The following DCAF13 variants were observed in gnomAD, a reference collection of about 807,000 sequenced individuals.
DCAF13 encodes the protein DDB1- and CUL4-associated factor 13.
A neutral mutation model predicts 59.0 loss-of-function variants in DCAF13; 38 were observed. That is an observed-to-expected ratio of 0.64 (90% CI 0.50 to 0.84). DCAF13 has a LOEUF of 0.84. Ranked by LOEUF, DCAF13 falls within the 40% of genes least tolerant of loss-of-function variation. The pLI is 0.00. For missense variants in DCAF13, 469 were observed against 558.4 expected, an observed-to-expected ratio of 0.84 and a Z score of 1.61; for synonymous variants, 173 against 175.0, an observed-to-expected ratio of 0.99 and a Z score of 0.09.
chr8:103,418,866 ATT>A lies in DCAF13; in HGVS notation c.71-1364_71-1363del, dbSNP rs1159489554. Among the ~76,000 whole-genome samples the A allele has an allele frequency of 3.2e-3, 124 of 38,388 alleles. 3 individuals carry two copies. In the East Asian group the frequency reaches 0.033, roughly 10 times the overall value. The allele number at this position is 38,388 out of a possible 152,430, so 25.2% of individuals were successfully genotyped here. A position where few individuals can be genotyped will look rare whatever the true frequency, so the allele number is the denominator to read the frequency against. On this transcript the variant is annotated intron_variant, in intron 1 of 10. Coordinates refer to ENST00000612750, the MANE Select transcript of DCAF13 (RefSeq NM_015420.7). ...TATATATATATATATATATATATAT[ATT>A]TTTTTTTTTTTTTTTTTTTTTTTTT...
intron 5 of DCAF13, chr8:103,429,020 G>A (rs892069961): frequency 2.0e-5 from 3 of 152,064 alleles, no homozygotes; most frequent in Non-Finnish European, 4.4e-5. Flanking sequence ...GTGAACAAAT[G>A]GAGTGTATTT....
intron 10 of DCAF13, chr8:103,442,414 C>T (rs952735913): frequency 6.4e-6 from 1 of 155,378 alleles, no homozygotes; most frequent in African/African-American, 2.4e-5. Context: ...CACCATTTCC[C>T]GTGAAATATT....
rs778923641 is a variant in DCAF13 at position 103,440,142 on chromosome 8, A to G, written c.957A>G (p.Val319=). The change falls in exon 9 of 11, where the codon GTA becomes GTG. Residue 319 remains valine (V), a synonymous_variant. Coordinates refer to ENST00000612750, the MANE Select transcript of DCAF13 (RefSeq NM_015420.7). The stretch of plus-strand genomic sequence containing the variant: ...CTTAATTCGTTTTCTATAGGGAGGT[A>G]TATCATACAAAGAGAATGCAACATG... ...FPVDKSRSRE[V]YHTKRMQHVI... 5.1e-6 allele frequency: 8 copies of G among 1,580,434 alleles called. No individual in the cohort carries two copies. The African/African-American group carries it at 5.5e-5, about 11-fold the overall frequency.
intron 9 of DCAF13, chr8:103,440,550 TGTTTTCCTTGAGGTAGGGAC>T: frequency 9.9e-6 from 2 of 201,396 alleles, no homozygotes; most frequent in Non-Finnish European, 2.0e-5. Flanking sequence ...TGGTTTTTTG[TGTTTTCCTTGAGGTAGGGAC>T]AGAAGATGCA....
chr8:103,420,903 G>T, intron 2 of DCAF13, 72 bp from the exon 3 acceptor site: 1 of 1,090,052 alleles, frequency 9.2e-7, no homozygotes, highest in Non-Finnish European at 1.4e-6. Context: ...TCGTAGCCTT[G>T]TCAGTGTTGA....
chr8:103,430,077 G>T (rs1443259146), intron 5 of DCAF13: 1 of 152,190 alleles, frequency 6.6e-6, no homozygotes, highest in East Asian at 1.9e-4. Context: ...TTAGAACACA[G>T]TAATATCTGT....
chr8:103,419,898 A>G (rs898981301), intron 1 of DCAF13, among the ~76,000 whole-genome samples: 2 of 151,452 alleles, frequency 1.3e-5, no homozygotes, highest in African/African-American at 4.9e-5. Flanking sequence ...AATCCCAGCT[A>G]CTCGGGTGGC....
intron 3 of DCAF13, among the ~76,000 whole-genome samples, chr8:103,423,259 G>A (rs1275793277): frequency 6.6e-6 from 1 of 151,854 alleles, no homozygotes; most frequent in East Asian, 1.9e-4. Context: ...AGGCTCATTT[G>A]CAGCATTATT....
chr8:103,418,855 TATATATATATA>T (rs1468356089), intron 1 of DCAF13, among the ~76,000 whole-genome samples: 11 of 31,702 alleles, frequency 3.5e-4, no homozygotes, highest in Non-Finnish European at 4.5e-4. Context: ...TATATATATA[TATATATATATA>T]TTTTTTTTTT....
chr8:103,430,826 A>G (rs1258181113), intron 6 of DCAF13, 137 bp downstream of exon 6: 1 of 531,396 alleles, frequency 1.9e-6, no homozygotes, highest in Non-Finnish European at 3.2e-6. Flanking sequence ...AGAACTCTAC[A>G]TGATGATAGT....
At chr8:103,440,350 T>G in intron 9 of DCAF13, 79 bp downstream of exon 9, 2 of 1,324,848 alleles carry the variant, frequency 1.5e-6, no homozygotes, top group Admixed American at 2.6e-5. Context: ...AAATTTACTT[T>G]TAGGTATTTT....
chr8:103,432,636 T>C (rs1324377027), intron 6 of DCAF13, 23 bp from the exon 7 acceptor site: 3 of 1,428,528 alleles, frequency 2.1e-6, no homozygotes, highest in Non-Finnish European at 2.0e-6. Flanking sequence ...AAGTGGGAAA[T>C]TCATCCATTC....
At chr8:103,425,048 C>A (rs1189798535) in intron 3 of DCAF13, among the ~76,000 whole-genome samples, 1 of 152,194 alleles carries the variant, frequency 6.6e-6, no homozygotes, top group African/African-American at 2.4e-5. Context: ...CTCATGGGCA[C>A]TGTAAACTGT....
chr8:103,442,953 G>A lies in DCAF13; in HGVS notation c.*71G>A. 9.3e-7 allele frequency: 1 copy of A among 1,069,864 alleles called. No homozygotes were observed. The highest frequency in any genetic ancestry group is 1.5e-5 in the South Asian group (1 of 66,414). 66.3% of individuals were successfully genotyped at this position (1,069,864 alleles called of 1,614,324 possible). A position where few individuals can be genotyped will look rare whatever the true frequency, so the allele number is the denominator to read the frequency against. ...ATTTGAGAACTCTACAAATAAAAGT[G>A]CTGGGACTAGATTAATTGCAAACAT... On this transcript the variant is annotated 3_prime_UTR_variant, in exon 11 of 11. Transcript: ENST00000612750.
At chr8:103,431,331 A>T (rs1816862397) in intron 6 of DCAF13, among the ~76,000 whole-genome samples, 1 of 152,206 alleles carries the variant, frequency 6.6e-6, no homozygotes, top group Non-Finnish European at 1.5e-5. Context: ...TATAAAGTTT[A>T]TTTCAGGTAC....
intron 5 of DCAF13, chr8:103,429,438 C>T (rs1816832840): frequency 6.6e-6 from 1 of 152,164 alleles, no homozygotes; most frequent in Non-Finnish European, 1.5e-5. Flanking sequence ...TCTTGCTGCC[C>T]ACATACTTGC....
At chr8:103,435,035 A>G (rs1355498700) in intron 7 of DCAF13, among the ~76,000 whole-genome samples, 4 of 152,130 alleles carry the variant, frequency 2.6e-5, no homozygotes, top group Non-Finnish European at 4.4e-5. Flanking sequence ...TGTCCCATTC[A>G]GTTAAAGATT....
intron 1 of DCAF13, among the ~76,000 whole-genome samples, chr8:103,418,824 TTATATATATATATATATATA>T (rs1188672878): frequency 0.013 from 554 of 41,400 alleles, 17 homozygotes; most frequent in African/African-American, 0.037. Flanking sequence ...CTAAGCATAA[TTATATATATATATATATATA>T]TATATATATA....
rs757289460 is a variant in DCAF13, at chr8:103,421,092, A to C, written c.378+10A>C. 1.6e-5 allele frequency: 25 copies of C among 1,517,720 alleles called. No homozygotes were observed. The highest frequency in any genetic ancestry group is 1.7e-4 in the Middle Eastern group (1 of 5,886). The allele number at this position is 1,517,720 out of a possible 1,614,324, so 94.0% of individuals were successfully genotyped here. On this transcript the variant is annotated intron_variant, in intron 3 of 10. Transcript: ENST00000612750. The stretch of plus-strand genomic sequence containing the variant: ...GACTTCTTTTTTCACTGTAAGTATA[A>C]TACCATTAAGTCATTAAATTTGATC...
Sources: gnomAD v4.1 joint callset for allele counts (sites outside exome capture counted in the v4.1 genomes callset) on GRCh38, gnomAD v4.1.1 for gene constraint, MANE v1.5 for transcripts, NCBI Gene and HGNC (gene_info 2026-07-23, HGNC 2026-07-21) for gene names.